Variants in BTG4 observed in about 807,000 individuals in gnomAD.
BTG4 encodes the protein protein BTG4.
Under a neutral mutation model 19.3 loss-of-function variants are expected in BTG4, and 10 were observed. The observed-to-expected ratio is 0.52, with a 90% CI of 0.32 to 0.88. The LOEUF is 0.88. Among genes scored for constraint, BTG4 ranks in the 40% least tolerant of loss-of-function variants. The pLI, the probability that BTG4 is intolerant of heterozygous loss-of-function variation, is 0.04. For synonymous variants in BTG4, 91 were observed against 95.7 expected (o/e 0.95, Z 0.29); for missense variants, 238 against 281.9 (o/e 0.84, Z 1.11).
chr11:111,456,818 G>A, the BTG4 span: 4 of 266,864 alleles, frequency 1.5e-5, no homozygotes, highest in Admixed American at 1.2e-4. This position sits in a 1 kb window ranked among gnomAD's most constrained non-coding sequence, Gnocchi z 4.2. Context: ...GGACTCTCAG[G>A]AATGAGCTCC....
chr11:111,446,365 G>A, the BTG4 span, among the ~76,000 whole-genome samples: 3 of 152,142 alleles, frequency 2.0e-5, no homozygotes, highest in African/African-American at 7.2e-5. Context: ...ACCAAAAAGC[G>A]TGGTGCATAT....
chr11:111,498,690 G>C lies in BTG4; in HGVS notation c.87C>G (p.Asp29Glu). The change falls in exon 2 of 5, where the codon GAC (aspartate) becomes GAG (glutamate). Residue 29 changes from aspartate to glutamate, a missense_variant. By Grantham distance (45) the Asp-to-Glu change is conservative. Transcript: ENST00000692032. ...AGATCGTCATCAGCTTTTCTGCAAA[G>C]TCTTCTATTTGCTGTTTACTTAGTT... ...HDKLSKQQIE[D>E]FAEKLMTILF... The C allele has an allele frequency of 1.9e-6, 3 of 1,613,678 alleles. No homozygotes were observed. The South Asian group carries it at 3.3e-5, about 18-fold the overall frequency.
chr11:111,443,778 G>C, the BTG4 span, among the ~76,000 whole-genome samples: 1 of 152,182 alleles, frequency 6.6e-6, no homozygotes, highest in African/African-American at 2.4e-5. Context: ...ACAGGACGAG[G>C]ACCTGGGTGC....
chr11:111,457,546 C>T, the BTG4 span: 2 of 152,774 alleles, frequency 1.3e-5, no homozygotes, highest in African/African-American at 2.4e-5. Flanking sequence ...CACCCTTCAT[C>T]CTCTCAGCCT....
At chr11:111,447,096 C>A in the BTG4 span, among the ~76,000 whole-genome samples, 334 of 152,366 alleles carry the variant, frequency 2.2e-3, no homozygotes, top group African/African-American at 7.7e-3. Context: ...CTCTCTGGAG[C>A]AGGACCCTAC....
chr11:111,512,118 A>G (rs180813194), intron 1 of BTG4, 63 bp downstream of exon 1: 3 of 152,208 alleles, frequency 2.0e-5, no homozygotes, highest in Non-Finnish European at 2.9e-5. Flanking sequence ...CCATCCTCCC[A>G]TATGTCAGAG....
At chr11:111,412,107 A>C in the BTG4 span, among the ~76,000 whole-genome samples, 1 of 152,246 alleles carries the variant, frequency 6.6e-6, no homozygotes, top group African/African-American at 2.4e-5. Flanking sequence ...GACAAGGCCC[A>C]AGAGTCCAGG....
chr11:111,421,784 G>A, the BTG4 span, among the ~76,000 whole-genome samples: 3 of 152,050 alleles, frequency 2.0e-5, no homozygotes, highest in East Asian at 5.8e-4. Context: ...ATGGTGACAG[G>A]GGCCTGCAAT....
At chr11:111,388,246 A>G in the BTG4 span, among the ~76,000 whole-genome samples, 8 of 151,858 alleles carry the variant, frequency 5.3e-5, no homozygotes, top group East Asian at 1.5e-3. Context: ...CTTGTAGAGA[A>G]CCTGACTCAG....
At chr11:111,425,374 G>A in the BTG4 span, among the ~76,000 whole-genome samples, 2 of 152,056 alleles carry the variant, frequency 1.3e-5, no homozygotes, top group Non-Finnish European at 2.9e-5. Context: ...TGGCCTCATG[G>A]AGCTCATAGT....
chr11:111,472,192 C>T (rs1223284914), intron 5 of BTG4, among the ~76,000 whole-genome samples: 1 of 152,168 alleles, frequency 6.6e-6, no homozygotes, highest in Non-Finnish European at 1.5e-5. Flanking sequence ...AGAGCAAAAG[C>T]CAAATAATAT....
chr11:111,396,138 C>T, the BTG4 span, among the ~76,000 whole-genome samples: 7 of 152,332 alleles, frequency 4.6e-5, no homozygotes, highest in African/African-American at 1.7e-4. Context: ...GCCAATGTCC[C>T]CTTCAGAGCA....
At chr11:111,497,756 A>G (rs1360243891) in intron 3 of BTG4, among the ~76,000 whole-genome samples, 1 of 152,224 alleles carries the variant, frequency 6.6e-6, no homozygotes, top group Non-Finnish European at 1.5e-5. Context: ...ATAGTTTGTA[A>G]TAAGGTGCAG....
At chr11:111,497,746 ATAGT>A (rs1865825545) in intron 3 of BTG4, among the ~76,000 whole-genome samples, 1 of 152,180 alleles carries the variant, frequency 6.6e-6, no homozygotes, top group Non-Finnish European at 1.5e-5. Context: ...TTACCAATCT[ATAGT>A]TTGTAATAAG....
the BTG4 span, among the ~76,000 whole-genome samples, chr11:111,447,455 T>G: frequency 1.3e-5 from 2 of 152,342 alleles, no homozygotes; most frequent in East Asian, 3.9e-4. Flanking sequence ...TTATTTCCTT[T>G]GCATCTCTCC....
the BTG4 span, chr11:111,397,979 C>T: frequency 2.0e-5 from 3 of 152,196 alleles, no homozygotes; most frequent in African/African-American, 7.2e-5. Context: ...TCATTAACTT[C>T]CCCTACCACA....
the BTG4 span, among the ~76,000 whole-genome samples, chr11:111,392,282 A>G: frequency 7.3e-6 from 1 of 137,920 alleles, no homozygotes; most frequent in Non-Finnish European, 1.5e-5. Context: ...GGTTCATGCC[A>G]TTCTCCTGCC....
At chr11:111,432,648 AAAT>A in the BTG4 span, among the ~76,000 whole-genome samples, 1 of 139,384 alleles carries the variant, frequency 7.2e-6, no homozygotes, top group Non-Finnish European at 1.6e-5. Flanking sequence ...CATCTCAAAA[AAAT>A]AAAGAAAGAA....
At chr11:111,419,720 G>T in the BTG4 span, among the ~76,000 whole-genome samples, 1 of 152,234 alleles carries the variant, frequency 6.6e-6, no homozygotes, top group African/African-American at 2.4e-5. Flanking sequence ...AGGCCATGGC[G>T]CTGCCAGACA....
Sources: gnomAD v4.1 joint callset for allele counts (sites outside exome capture counted in the v4.1 genomes callset) on GRCh38, gnomAD v4.1.1 for gene constraint, Gnocchi (gnomAD v3.1) non-coding constraint, MANE v1.5 for transcripts, NCBI Gene and HGNC (gene_info 2026-07-23, HGNC 2026-07-21) for gene names.